The following OGFOD1 variants were observed in gnomAD, a reference collection of about 807,000 sequenced individuals.
OGFOD1 encodes the protein 2-oxoglutarate and iron dependent oxygenase domain containing 1.
In OGFOD1, 54 loss-of-function variants were observed where a neutral mutation model predicts 67.7. That is an observed-to-expected ratio of 0.80 (90% CI 0.64 to 1.00). The LOEUF (loss-of-function observed/expected upper bound fraction) is 1.00. Among genes scored for constraint, OGFOD1 ranks in the 50% least tolerant of loss-of-function variants. The pLI is 0.00. For missense variants in OGFOD1, 606 were observed against 646.7 expected, an observed-to-expected ratio of 0.94 and a Z score of 0.68; for synonymous variants, 221 against 227.0, an observed-to-expected ratio of 0.97 and a Z score of 0.24.
chr16:56,458,234 T>A, intron 2 of OGFOD1: 1 of 284,424 alleles, frequency 3.5e-6, no homozygotes, highest in Non-Finnish European at 6.7e-6. Flanking sequence ...TTTCTTTTTT[T>A]CCTTTATGCA....
In OGFOD1 at chr16:56,451,591, T is replaced by A. The variant is rs574676974; in HGVS notation, c.-22T>A. ...AGGTAGCGTCTTGATCTGCGTGGCG[T>A]GGTTCTGTGCCTTGGGAAGAGATGA... On this transcript the variant is annotated 5_prime_UTR_variant, in exon 1 of 13. Coordinates refer to ENST00000566157, the MANE Select transcript of OGFOD1 (RefSeq NM_018233.4). 3 of 1,612,512 alleles carry A rather than the reference T, an allele frequency of 1.9e-6. No homozygotes were observed. In the South Asian group the frequency reaches 3.3e-5, roughly 18 times the overall value.
At chr16:56,458,656 A>C in intron 3 of OGFOD1, 62 bp downstream of exon 3, 1 of 1,315,806 alleles carries the variant, frequency 7.6e-7, no homozygotes, top group Non-Finnish European at 1.1e-6. Context: ...TAAGTGCTTT[A>C]AATGTTACAA....
Position 56,470,620 on chromosome 16 carries a change from G to A in OGFOD1, c.1114G>A (p.Glu372Lys), listed in dbSNP as rs1963121534. The A allele has an allele frequency of 6.2e-7, 1 of 1,613,540 alleles. No homozygotes were observed. Among genetic ancestry groups the A allele is most frequent in the Admixed American group, 1.7e-5 (1 of 60,008 alleles). Reference sequence around the variant, plus strand: ...GAAGCTTCATTTCTTGGCCCCTTCGGAAGAAGATGAGATGAATGATAAAAA... The same window carrying A: ...GAAGCTTCATTTCTTGGCCCCTTCGAAAGAAGATGAGATGAATGATAAAAA... Reference protein sequence around the residue: ...GLKLHFLAPSEEDEMNDKKEA... With the variant: ...GLKLHFLAPSKEDEMNDKKEA... The change falls in exon 10 of 13, where the codon GAA (glutamate) becomes AAA (lysine). Residue 372 changes from glutamate (E) to lysine (K), a missense_variant. Physicochemically the swap from Glu to Lys is moderately conservative, Grantham distance 56 (BLOSUM62 1). Transcript: ENST00000566157.
In OGFOD1 at chr16:56,467,808, TG is replaced by T. The variant is rs1962968789; in HGVS notation, c.787-96del. 4.2e-6 allele frequency: 3 copies of T among 717,464 alleles called. No homozygotes were observed. The East Asian group carries it at 7.7e-5, about 18-fold the overall frequency. 44.4% of individuals were successfully genotyped at this position (717,464 alleles called of 1,614,324 possible). On this transcript the variant is annotated intron_variant, in intron 7 of 12. Transcript: ENST00000566157. ...ACTTTAATAGGAGAAACTTATAAAA[TG>T]AGGATTTGCATGTATTTTATTAGTG...
Position 56,462,466 on chromosome 16 carries a change from G to C in OGFOD1, c.348-68G>C, listed in dbSNP as rs371724814. ...TCCAGGAAAGAAAAGTTGTGGCCTA[G>C]ATCCAAACAGTTGTGACCTAGATCC... On this transcript the variant is annotated intron_variant, in intron 3 of 12. Coordinates refer to ENST00000566157, the MANE Select transcript of OGFOD1 (RefSeq NM_018233.4). 1.9e-5 allele frequency: 18 copies of C among 930,706 alleles called. No individual in the cohort carries two copies. In the South Asian group the frequency reaches 2.4e-4, roughly 13 times the overall value. 57.7% of individuals were successfully genotyped at this position (930,706 alleles called of 1,614,324 possible). A position where few individuals can be genotyped will look rare whatever the true frequency, so the allele number is the denominator to read the frequency against.
intron 1 of OGFOD1, 132 bp from the exon 2 acceptor site, chr16:56,453,131 C>T (rs183385769): frequency 3.4e-6 from 3 of 872,006 alleles, no homozygotes; most frequent in Admixed American, 3.0e-5. Context: ...ATTTTTTCCC[C>T]AAATCTTAGA....
In OGFOD1 at chr16:56,478,843, T is replaced by C. The variant is rs1048352951; in HGVS notation, c.*2638T>C. ...AATCCCTAGGAGCCCAACTCTGATG[T>C]TGCTGTCAGTTACATCATCTACAGC... On this transcript the variant is annotated 3_prime_UTR_variant, in exon 13 of 13. Coordinates refer to ENST00000566157, the MANE Select transcript of OGFOD1 (RefSeq NM_018233.4). 6.6e-6 allele frequency: 1 copy of C among 152,208 alleles called. No individual in the cohort carries two copies. Among genetic ancestry groups the C allele is most frequent in the African/African-American group, 2.4e-5 (1 of 41,458 alleles). The allele number at this position is 152,208 out of a possible 1,614,324, so 9.4% of individuals were successfully genotyped here.
chr16:56,457,528 A>C (rs182527170), intron 2 of OGFOD1, among the ~76,000 whole-genome samples: 5 of 152,358 alleles, frequency 3.3e-5, no homozygotes, highest in East Asian at 3.9e-4. Flanking sequence ...CACTTTCAAG[A>C]AATTGAAATT....
chr16:56,469,714 G>A (rs1372226167), intron 8 of OGFOD1, among the ~76,000 whole-genome samples: 1 of 152,072 alleles, frequency 6.6e-6, no homozygotes, highest in Non-Finnish European at 1.5e-5. Flanking sequence ...GCCAGGCGTG[G>A]TGGTGCATGG....
At position 56,467,165 on chromosome 16, in the gene OGFOD1, G is replaced by C. The variant is rs1195118826; in HGVS notation, c.658G>C (p.Val220Leu). Residue 220 changes from valine (V) to leucine (L), a missense_variant and splice_region_variant, in exon 7 of 13, where the codon GTG becomes CTG. Coordinates refer to ENST00000566157, the MANE Select transcript of OGFOD1 (RefSeq NM_018233.4). ...TGTGCTACTGGGCTTCTCCTTTCAG[G>C]TGTCTGAAGTGCTGTCTGAAGAAAA... ...FEVSPVSFHQ[V>L]SEVLSEEKSR... 3.1e-6 allele frequency: 5 copies of C among 1,614,044 alleles called. No homozygotes were observed. The highest frequency in any genetic ancestry group is 2.5e-6 in the Non-Finnish European group (3 of 1,180,016).
intron 2 of OGFOD1, among the ~76,000 whole-genome samples, chr16:56,455,549 A>G (rs1451641529): frequency 2.0e-5 from 3 of 152,094 alleles, no homozygotes; most frequent in African/African-American, 7.2e-5. Flanking sequence ...AAGACAGTAG[A>G]TGTAAAATCT....
intron 8 of OGFOD1, among the ~76,000 whole-genome samples, chr16:56,468,776 G>A (rs1447393567): frequency 6.6e-6 from 1 of 151,382 alleles, no homozygotes; most frequent in African/African-American, 2.4e-5. Flanking sequence ...CCCTGGCTCT[G>A]TGGTTTTACT....
At chr16:56,462,204 T>C (rs1412951110) in intron 3 of OGFOD1, among the ~76,000 whole-genome samples, 1 of 152,220 alleles carries the variant, frequency 6.6e-6, no homozygotes. Context: ...TGTGATGAGT[T>C]GTTATGACAA....
intron 2 of OGFOD1, among the ~76,000 whole-genome samples, chr16:56,454,489 A>C (rs1596964105): frequency 6.8e-6 from 1 of 146,298 alleles, no homozygotes; most frequent in African/African-American, 2.6e-5. Flanking sequence ...AGAAAAGACT[A>C]TCTCTTTTTT....
intron 10 of OGFOD1, among the ~76,000 whole-genome samples, chr16:56,471,545 G>A (rs1963185136): frequency 6.6e-6 from 1 of 152,188 alleles, no homozygotes; most frequent in Admixed American, 6.5e-5. Flanking sequence ...CAGCTTAGAT[G>A]TTTCAGCACT....
intron 3 of OGFOD1, among the ~76,000 whole-genome samples, chr16:56,459,079 G>A (rs966346751): frequency 3.9e-5 from 6 of 152,214 alleles, no homozygotes; most frequent in African/African-American, 9.6e-5. Context: ...GGTGGCTCAC[G>A]CCTGTAATCC....
intron 10 of OGFOD1, among the ~76,000 whole-genome samples, chr16:56,474,071 T>C (rs897493847): frequency 1.3e-5 from 2 of 152,020 alleles, no homozygotes; most frequent in African/African-American, 4.8e-5. Context: ...AGAGGAGTAC[T>C]AACCTTCTGT....
chr16:56,457,814 G>A (rs1411955563), intron 2 of OGFOD1, among the ~76,000 whole-genome samples: 2 of 152,030 alleles, frequency 1.3e-5, no homozygotes, highest in Admixed American at 1.3e-4. Context: ...CGAGTAGCTG[G>A]AATTGCAGGC....
In OGFOD1 at chr16:56,470,033, T is replaced by C. The variant is rs371408039; in HGVS notation, c.931T>C (p.Leu311=). ...GAAATTCACGAAAGTCTGTGAGGCC[T>C]TGGAGCATGGACATGTGGAATGGAG... ...PEKFTKVCEA[L]EHGHVEWSSR... The change falls in exon 9 of 13, where the codon TTG becomes CTG. Residue 311 remains leucine, a synonymous_variant. Coordinates refer to ENST00000566157, the MANE Select transcript of OGFOD1 (RefSeq NM_018233.4). 3.1e-6 allele frequency: 5 copies of C among 1,614,076 alleles called. No homozygotes were observed. The highest frequency in any genetic ancestry group is 4.2e-6 in the Non-Finnish European group (5 of 1,180,010).
Sources: gnomAD v4.1 joint callset for allele counts (sites outside exome capture counted in the v4.1 genomes callset) on GRCh38, gnomAD v4.1.1 for gene constraint, MANE v1.5 for transcripts, NCBI Gene and HGNC (gene_info 2026-07-23, HGNC 2026-07-21) for gene names.